ABCC5: variants seen among roughly 807,000 people sequenced by gnomAD.
ABCC5 encodes the protein ATP-binding cassette sub-family C member 5.
Under a neutral mutation model 160.9 loss-of-function variants are expected in ABCC5, and 61 were observed. That is an observed-to-expected ratio of 0.38 (90% CI 0.31 to 0.47). ABCC5 has a LOEUF of 0.47. Ranked by LOEUF, ABCC5 falls within the 20% of genes least tolerant of loss-of-function variation. The pLI, the probability that ABCC5 is intolerant of heterozygous loss-of-function variation, is 0.99. For synonymous variants in ABCC5, 666 were observed against 700.6 expected, an observed-to-expected ratio of 0.95 and a Z score of 0.78; for missense variants, 1,308 against 1,813.3, an observed-to-expected ratio of 0.72 and a Z score of 5.06.
chr3:184,009,954 G>C (rs1351342742), intron 2 of ABCC5: 1 of 434,724 alleles, frequency 2.3e-6, no homozygotes, highest in Non-Finnish European at 4.7e-6. Context: ...TTCAACAACA[G>C]CCTGGCCAAC....
At position 183,987,852 on chromosome 3, in the gene ABCC5, A is replaced by G; in HGVS notation, c.509T>C (p.Val170Ala). ...VGPDAASLRR[V>A]VWIFCRTRLI... is the part of the protein sequence containing the mutation. ...CCTGGTGCGGCAGAAGATCCACACAACCCTTCGCAGGGAAGCAGCGTCTGG... is the reference window on the plus strand; with the variant it reads ...CCTGGTGCGGCAGAAGATCCACACAGCCCTTCGCAGGGAAGCAGCGTCTGG... Residue 170 changes from valine (V) to alanine (A), a missense_variant, in exon 5 of 30, where the codon GTT becomes GCT. Val to Ala is a moderately conservative substitution (Grantham distance 64, BLOSUM62 0). Transcript: ENST00000334444. The surrounding 1 kb of genome is among the most constrained non-coding windows in gnomAD (Gnocchi z 4.2). The G allele has an allele frequency of 6.2e-7, 1 of 1,614,024 alleles. No homozygotes were observed. Among genetic ancestry groups the G allele is most frequent in the Non-Finnish European group, 8.5e-7 (1 of 1,180,008 alleles).
At chr3:184,010,901 G>A (rs1056818324) in intron 2 of ABCC5, among the ~76,000 whole-genome samples, 7 of 150,390 alleles carry the variant, frequency 4.7e-5, no homozygotes, top group African/African-American at 1.5e-4. Context: ...AGGTTCAAGC[G>A]ATTCTCCTGC....
intron 14 of ABCC5, among the ~76,000 whole-genome samples, chr3:183,964,231 A>G (rs528339505): frequency 2.6e-5 from 4 of 152,216 alleles, no homozygotes; most frequent in African/African-American, 7.2e-5. Flanking sequence ...TTTTGTGCCT[A>G]TTTGTTTGGG....
At chr3:183,966,498 T>A (rs1471624320) in intron 12 of ABCC5, among the ~76,000 whole-genome samples, 1 of 152,240 alleles carries the variant, frequency 6.6e-6, no homozygotes, top group African/African-American at 2.4e-5. Context: ...AAGCCTGACT[T>A]GGTTTTCAAC....
chr3:183,951,826 A>G lies in ABCC5; in HGVS notation c.2814+31T>C. 1.2e-6 allele frequency: 2 copies of G among 1,603,154 alleles called. No homozygotes were observed. The highest frequency in any genetic ancestry group is 1.7e-6 in the Non-Finnish European group (2 of 1,173,182). ...AAAGCCTGACCACAGGTCACCAGGG[A>G]GGAGGGCAGAGACCACCCACCAATG... is the stretch of plus-strand genomic sequence containing the variant. On this transcript the variant is annotated intron_variant, in intron 19 of 29. Coordinates refer to ENST00000334444, the MANE Select transcript of ABCC5 (RefSeq NM_005688.4). The surrounding 1 kb of genome is among the most constrained non-coding windows in gnomAD (Gnocchi z 4.7).
At chr3:183,971,985 G>A (rs757791171) in intron 10 of ABCC5, 66 bp from the exon 11 acceptor site, 6 of 1,605,876 alleles carry the variant, frequency 3.7e-6, no homozygotes, top group Non-Finnish European at 5.1e-6. Context: ...GACAAGCCTA[G>A]GGCGTACACT....
chr3:184,013,996 G>A (rs942766282), intron 2 of ABCC5, among the ~76,000 whole-genome samples: 4 of 151,858 alleles, frequency 2.6e-5, no homozygotes, highest in Admixed American at 1.3e-4. Context: ...CCTCAGCCTC[G>A]CAAGTATCTG....
At chr3:183,984,972 T>C in intron 5 of ABCC5, 4 of 1,248,688 alleles carry the variant, frequency 3.2e-6, no homozygotes, top group Non-Finnish European at 3.4e-6. Context: ...CACTGGGTAA[T>C]AGCATCAGCG....
chr3:184,013,575 A>G (rs1721937013), intron 2 of ABCC5, among the ~76,000 whole-genome samples: 1 of 152,156 alleles, frequency 6.6e-6, no homozygotes, highest in Non-Finnish European at 1.5e-5. Flanking sequence ...TTAAACACAC[A>G]TGACAGAAAG....
rs189095988 is a variant in ABCC5 at position 183,989,548 on chromosome 3, T to C, written c.130-165A>G. ...ACTAACTTTGTATGATTTGAACCCA[T>C]TGGGGAACATTAAGCTAGATATTTA... On this transcript the variant is annotated intron_variant, in intron 2 of 29. Transcript: ENST00000334444. 3.0e-4 allele frequency among the ~76,000 whole-genome samples: 45 copies of C among 152,110 alleles called. No individual in the cohort carries two copies. The highest frequency in any genetic ancestry group is 1.2e-3 in the East Asian group (6 of 5,172).
At chr3:183,967,009 GT>G (rs112821645) in intron 12 of ABCC5, among the ~76,000 whole-genome samples, 61,603 of 143,232 alleles carry the variant, frequency 0.43, 13,476 homozygotes, top group African/African-American at 0.59. Context: ...TGGGCACCTT[GT>G]TTTTTTTTTT....
Position 183,957,266 on chromosome 3 carries a change from G to A in ABCC5, c.2482+2467C>T, listed in dbSNP as rs148387943. ...TGTGTATATCACATCTGTTACATGCGGATCCGTGTGTATATGACATCAGTT... is the reference window on the plus strand; with the variant it reads ...TGTGTATATCACATCTGTTACATGCAGATCCGTGTGTATATGACATCAGTT... On this transcript the variant is annotated intron_variant, in intron 17 of 29. Transcript: ENST00000334444. Among the ~76,000 whole-genome samples, 35 of 101,354 alleles carry A rather than the reference G, an allele frequency of 3.5e-4. 1 individual carries two copies. Among genetic ancestry groups the A allele is most frequent in the Non-Finnish European group, 5.3e-4 (25 of 46,884 alleles). 66.5% of individuals were successfully genotyped at this position (101,354 alleles called of 152,430 possible).
At chr3:183,955,163 G>A (rs1022307493) in intron 17 of ABCC5, among the ~76,000 whole-genome samples, 1 of 152,144 alleles carries the variant, frequency 6.6e-6, no homozygotes, top group Non-Finnish European at 1.5e-5. Context: ...GAGAGACCTA[G>A]TAAAGGAAGG....
chr3:183,956,607 T>A (rs570883361), intron 17 of ABCC5, among the ~76,000 whole-genome samples: 2 of 144,498 alleles, frequency 1.4e-5, no homozygotes, highest in Admixed American at 6.9e-5. Context: ...TCCGTGTGTA[T>A]ATCACATCTG....
chr3:183,922,598 T>A (rs1390972446), intron 29 of ABCC5, among the ~76,000 whole-genome samples: 5 of 152,164 alleles, frequency 3.3e-5, no homozygotes, highest in Middle Eastern at 3.2e-3. Flanking sequence ...GACTTCTATG[T>A]AGCCGTGGAA....
At chr3:183,960,975 C>T (rs920223998) in intron 16 of ABCC5, among the ~76,000 whole-genome samples, 18 of 151,778 alleles carry the variant, frequency 1.2e-4, no homozygotes, top group East Asian at 3.9e-4. Context: ...TTTGTAAAGA[C>T]GGGGTTTCTC....
chr3:183,931,009 G>A (rs1375390591), intron 26 of ABCC5, among the ~76,000 whole-genome samples: 1 of 152,142 alleles, frequency 6.6e-6, no homozygotes, highest in Admixed American at 6.5e-5. Context: ...CCGTATAAAT[G>A]CTATGTTTTT....
At chr3:184,011,665 G>A (rs1347562198) in intron 2 of ABCC5, among the ~76,000 whole-genome samples, 5 of 152,144 alleles carry the variant, frequency 3.3e-5, no homozygotes, top group Admixed American at 2.0e-4. Context: ...TTTAACAAAT[G>A]AATGGTTAAA....
intron 29 of ABCC5, among the ~76,000 whole-genome samples, chr3:183,922,449 G>A (rs371878844): frequency 1.3e-5 from 2 of 152,182 alleles, no homozygotes; most frequent in Admixed American, 1.3e-4. Flanking sequence ...CAAGTCAAGG[G>A]CACACCAGAC....
Sources: allele counts gnomAD v4.1 joint callset (sites outside exome capture counted in the v4.1 genomes callset), GRCh38; gene constraint gnomAD v4.1.1; non-coding constraint Gnocchi (gnomAD v3.1); transcripts MANE v1.5; gene names NCBI Gene and HGNC (gene_info 2026-07-23, HGNC 2026-07-21).